WASHC3: variants seen among roughly 807,000 people sequenced by gnomAD.
The protein encoded by WASHC3 is WASH complex subunit 3.
In WASHC3, 24 loss-of-function variants were observed where a neutral mutation model predicts 26.1. The observed-to-expected ratio is 0.92, with a 90% CI of 0.66 to 1.29. The LOEUF (loss-of-function observed/expected upper bound fraction) is 1.29. Among genes scored for constraint, WASHC3 ranks in the 50% most tolerant of loss-of-function variants. WASHC3 has a pLI of 0.00. For synonymous variants in WASHC3, 77 were observed against 75.7 expected (o/e 1.02, Z -0.09); for missense variants, 214 against 229.6 (o/e 0.93, Z 0.44).
chr12:102,029,604 A>G (rs961984476), intron 5 of WASHC3, among the ~76,000 whole-genome samples: 3 of 152,220 alleles, frequency 2.0e-5, no homozygotes, highest in African/African-American at 7.2e-5. Context: ...AAATTTTCCT[A>G]AAGTTTTAGA....
At chr12:102,046,936 G>A (rs556284639) in intron 2 of WASHC3, among the ~76,000 whole-genome samples, 1 of 152,214 alleles carries the variant, frequency 6.6e-6, no homozygotes, top group East Asian at 1.9e-4. Context: ...AAAAATAAAG[G>A]GGAATGGAAT....
chr12:102,061,875 C>A (rs1341704676), intron 1 of WASHC3, 37 bp downstream of exon 1: 1 of 1,557,066 alleles, frequency 6.4e-7, no homozygotes, highest in Non-Finnish European at 8.7e-7. Flanking sequence ...CATCCTCCTC[C>A]CGGCTCGTCG....
chr12:102,047,638 GA>G (rs565216613), intron 2 of WASHC3, among the ~76,000 whole-genome samples: 2 of 151,838 alleles, frequency 1.3e-5, no homozygotes, highest in African/African-American at 4.8e-5. Context: ...ATTCACTAGA[GA>G]AAAAATTCCA....
At chr12:102,018,878 C>T (rs1205553547) in intron 6 of WASHC3, among the ~76,000 whole-genome samples, 2 of 152,116 alleles carry the variant, frequency 1.3e-5, no homozygotes, top group African/African-American at 2.4e-5. Flanking sequence ...CTCACTCCAA[C>T]CTCCACCTCC....
At chr12:102,062,117 C>A, upstream of WASHC3, 1 of 613,684 alleles carries the variant, frequency 1.6e-6, no homozygotes, top group South Asian at 2.0e-5. Flanking sequence ...AATCACTCGG[C>A]GGCTTCCGGA....
At chr12:102,059,926 A>C (rs1271872151) in intron 2 of WASHC3, 2 of 152,208 alleles carry the variant, frequency 1.3e-5, no homozygotes, top group Non-Finnish European at 2.9e-5. Context: ...TCTGGCCATT[A>C]ACATATAAAA....
At chr12:102,028,668 G>A (rs1466550190) in intron 5 of WASHC3, among the ~76,000 whole-genome samples, 1 of 151,868 alleles carries the variant, frequency 6.6e-6, no homozygotes, top group East Asian at 1.9e-4. Context: ...CAATGCGTGG[G>A]AAGGGAGGAA....
At position 102,013,060 on chromosome 12, in the gene WASHC3, G is replaced by A. The variant is rs1169670538; in HGVS notation, c.*48C>T. The A allele has an allele frequency of 1.2e-6, 1 of 832,070 alleles. No homozygotes were observed. The highest frequency in any genetic ancestry group is 1.7e-5 in the African/African-American group (1 of 58,256). The allele number at this position is 832,070 out of a possible 1,614,324, so 51.5% of individuals were successfully genotyped here. A position where few individuals can be genotyped will look rare whatever the true frequency, so the allele number is the denominator to read the frequency against. On this transcript the variant is annotated 3_prime_UTR_variant, in exon 7 of 7. Coordinates refer to ENST00000240079, the MANE Select transcript of WASHC3 (RefSeq NM_016053.4). ...GTTCAGGCTCAATCTCTTACAGAAT[G>A]TAAATGTACCCCTATGCATGCATAT... is the stretch of plus-strand genomic sequence containing the variant.
At chr12:102,058,242 A>G (rs1878668716) in intron 2 of WASHC3, among the ~76,000 whole-genome samples, 1 of 152,104 alleles carries the variant, frequency 6.6e-6, no homozygotes, top group African/African-American at 2.4e-5. Context: ...CTCATCCTTT[A>G]CCATATAAAA....
intron 5 of WASHC3, among the ~76,000 whole-genome samples, chr12:102,037,134 T>A (rs1014507480): frequency 4.6e-5 from 7 of 152,180 alleles, no homozygotes; most frequent in African/African-American, 1.7e-4. Context: ...TTTGGAAGTT[T>A]CTCAAACCAC....
At chr12:102,022,018 G>A (rs1412223013) in intron 6 of WASHC3, among the ~76,000 whole-genome samples, 1 of 152,122 alleles carries the variant, frequency 6.6e-6, no homozygotes, top group Non-Finnish European at 1.5e-5. Flanking sequence ...AATGCCAACT[G>A]AGCTGGTTCT....
intron 6 of WASHC3, among the ~76,000 whole-genome samples, chr12:102,019,051 A>G (rs1393040122): frequency 1.3e-5 from 2 of 152,090 alleles, no homozygotes; most frequent in Non-Finnish European, 2.9e-5. Flanking sequence ...TGCTCGCCTC[A>G]GCCTCCCAAA....
Position 102,013,147 on chromosome 12 carries a change from TAC to T in WASHC3, c.544_545del (p.Val182ArgfsTer6), listed in dbSNP as rs762469253. On this transcript the variant is annotated frameshift_variant, in exon 7 of 7. Coordinates refer to ENST00000240079, the MANE Select transcript of WASHC3 (RefSeq NM_016053.4). LOFTEE classifies it high-confidence loss of function. ...AAGATTCGCTATCTGAACTTTCTTC[TAC>T]AGTTTTCTCACTTTCGCCATCAGGC... is the stretch of plus-strand genomic sequence containing the variant. ...PVPDGESEKT[V>X]EESSDSESSF... The T allele has an allele frequency of 3.2e-6, 5 of 1,553,056 alleles. No homozygotes were observed. The highest frequency in any genetic ancestry group is 1.2e-5 in the South Asian group (1 of 84,524).
At position 102,027,403 on chromosome 12, in the gene WASHC3, A is replaced by C. The variant is rs182583308; in HGVS notation, c.436-1365T>G. On this transcript the variant is annotated intron_variant, in intron 5 of 6. Transcript: ENST00000240079. ...GTATTTCCCAGTAAAATCTGAGTTT[A>C]AGTCCAGGCATGCATATGTACAAAC... Among the ~76,000 whole-genome samples, 73 of 152,306 alleles carry C rather than the reference A, an allele frequency of 4.8e-4. 1 individual carries two copies. The highest frequency in any genetic ancestry group is 1.7e-3 in the African/African-American group (72 of 41,572).
At chr12:102,017,885 T>C (rs1876778508) in intron 6 of WASHC3, 1 of 346,552 alleles carries the variant, frequency 2.9e-6, no homozygotes. Context: ...TACATTCACA[T>C]TGTTGTACAA....
chr12:102,052,653 G>C (rs540284333), intron 2 of WASHC3, among the ~76,000 whole-genome samples: 1 of 152,058 alleles, frequency 6.6e-6, no homozygotes, highest in South Asian at 2.1e-4. Flanking sequence ...AGCTCCTGCA[G>C]ATATAGGTTC....
intron 2 of WASHC3, among the ~76,000 whole-genome samples, chr12:102,058,950 CAG>C (rs1878697662): frequency 6.6e-6 from 1 of 152,054 alleles, no homozygotes; most frequent in South Asian, 2.1e-4. Flanking sequence ...GCCAGTCAAA[CAG>C]AGACAGATAC....
intron 5 of WASHC3, among the ~76,000 whole-genome samples, chr12:102,035,613 T>C (rs963442362): frequency 2.6e-5 from 4 of 152,202 alleles, no homozygotes; most frequent in African/African-American, 7.2e-5. Flanking sequence ...AGCATATTTA[T>C]ACATATCCAG....
In WASHC3 at chr12:102,061,907, C is replaced by A. The variant is rs1455105812; in HGVS notation, c.51+5G>T. ...GTCGGGAGTCTAGCACCGTCTTTTA[C>A]AAACCTTGGTCAGGTCTATGCCTGA... On this transcript the variant is annotated splice_donor_5th_base_variant and intron_variant, in intron 1 of 6. Transcript: ENST00000240079. 1 of 1,596,090 alleles carries A rather than the reference C, an allele frequency of 6.3e-7. No homozygotes were observed.
Sources: allele counts gnomAD v4.1 joint callset (sites outside exome capture counted in the v4.1 genomes callset), GRCh38; gene constraint gnomAD v4.1.1; transcripts MANE v1.5; gene names NCBI Gene and HGNC (gene_info 2026-07-23, HGNC 2026-07-21).